LRBA: variants seen among roughly 807,000 people sequenced by gnomAD.
The protein encoded by LRBA is LPS responsive beige-like anchor protein, also known as lipopolysaccharide-responsive and beige-like anchor protein.
LRBA carries 176 observed loss-of-function variants against 330.0 expected under a neutral mutation model. That is an observed-to-expected ratio of 0.53 (90% CI 0.47 to 0.60). LRBA has a LOEUF of 0.60. Among genes scored for constraint, LRBA ranks in the 20% least tolerant of loss-of-function variants. The pLI is 0.00. For synonymous variants in LRBA, 1,230 were observed against 1,193.0 expected, an observed-to-expected ratio of 1.03 and a Z score of -0.64; for missense variants, 3,259 against 3,444.8, an observed-to-expected ratio of 0.95 and a Z score of 1.35.
At chr4:150,678,899 C>T (rs530251903) in intron 37 of LRBA, among the ~76,000 whole-genome samples, 17 of 151,968 alleles carry the variant, frequency 1.1e-4, no homozygotes, top group Admixed American at 9.2e-4. Flanking sequence ...CATAGCGTAA[C>T]GGAATCAAAT....
At chr4:150,575,198 C>T (rs1469738592) in intron 40 of LRBA, among the ~76,000 whole-genome samples, 1 of 151,888 alleles carries the variant, frequency 6.6e-6, no homozygotes, top group Admixed American at 6.6e-5. Context: ...GTTTCCATTC[C>T]TTAGATCATT....
At chr4:150,334,593 T>C (rs1289614868) in intron 48 of LRBA, among the ~76,000 whole-genome samples, 1 of 152,100 alleles carries the variant, frequency 6.6e-6, no homozygotes, top group Non-Finnish European at 1.5e-5. Flanking sequence ...CTGGGGGGTA[T>C]ATTCCAAACT....
At chr4:150,891,639 C>T (rs995418063) in intron 17 of LRBA, among the ~76,000 whole-genome samples, 1 of 152,132 alleles carries the variant, frequency 6.6e-6, no homozygotes, top group Non-Finnish European at 1.5e-5. Flanking sequence ...GCCTGCCTAT[C>T]CTATGGATTT....
intron 34 of LRBA, among the ~76,000 whole-genome samples, chr4:150,769,571 G>A (rs1437913066): frequency 6.6e-6 from 1 of 152,144 alleles, no homozygotes; most frequent in Non-Finnish European, 1.5e-5. Context: ...TCTCTACTGG[G>A]GGAAGAGTCA....
chr4:150,374,794 A>G (rs1249526362), intron 47 of LRBA, among the ~76,000 whole-genome samples: 1 of 152,230 alleles, frequency 6.6e-6, no homozygotes, highest in Non-Finnish European at 1.5e-5. Context: ...GGTACATATA[A>G]CATATCAAAA....
chr4:150,643,681 A>G (rs1421063689), intron 37 of LRBA, among the ~76,000 whole-genome samples: 2 of 152,008 alleles, frequency 1.3e-5, no homozygotes, highest in East Asian at 3.8e-4. Context: ...TCAAAAAGAT[A>G]GTTTAGCTGT....
intron 37 of LRBA, among the ~76,000 whole-genome samples, chr4:150,669,168 G>A (rs530444969): frequency 6.6e-6 from 1 of 152,154 alleles, no homozygotes; most frequent in South Asian, 2.1e-4. Flanking sequence ...GAGACTAATA[G>A]TTTCATGCAT....
chr4:150,675,810 T>G (rs1782484877), intron 37 of LRBA, among the ~76,000 whole-genome samples: 1 of 152,114 alleles, frequency 6.6e-6, no homozygotes, highest in South Asian at 2.1e-4. Flanking sequence ...GTATCACCTA[T>G]TATTCACATC....
At chr4:150,877,583 T>C (rs1218119736) in intron 17 of LRBA, among the ~76,000 whole-genome samples, 1 of 152,162 alleles carries the variant, frequency 6.6e-6, no homozygotes, top group African/African-American at 2.4e-5. Context: ...ATATTAGTGG[T>C]GGATTTCAAC....
intron 40 of LRBA, among the ~76,000 whole-genome samples, chr4:150,557,296 T>C (rs369096680): frequency 1.3e-5 from 2 of 152,086 alleles, no homozygotes; most frequent in Non-Finnish European, 2.9e-5. Flanking sequence ...TCCATAGCAA[T>C]AATAGATGGA....
rs751501435 is a variant in LRBA, at chr4:151,014,679, T to C, written c.-37A>G. On this transcript the variant is annotated 5_prime_UTR_variant, in exon 2 of 57. Coordinates refer to ENST00000651943, the MANE Select transcript of LRBA (RefSeq NM_001364905.1). ...GATAAAGGACAACTCAGAGTCACCCTGGGACGGCAGTCGCTGCACTGGTAA... is the reference window on the plus strand; with the variant it reads ...GATAAAGGACAACTCAGAGTCACCCCGGGACGGCAGTCGCTGCACTGGTAA... 6 of 1,449,680 alleles carry C rather than the reference T, an allele frequency of 4.1e-6. No individual in the cohort carries two copies. The highest frequency in any genetic ancestry group is 3.7e-5 in the South Asian group (3 of 81,374). The allele number at this position is 1,449,680 out of a possible 1,614,324, so 89.8% of individuals were successfully genotyped here.
At chr4:150,417,767 T>C (rs1031618205) in intron 46 of LRBA, among the ~76,000 whole-genome samples, 2 of 152,152 alleles carry the variant, frequency 1.3e-5, no homozygotes, top group African/African-American at 4.8e-5. Context: ...CCTAAATGCA[T>C]AGTAAAAATA....
At chr4:150,541,819 T>C (rs1765343402) in intron 40 of LRBA, among the ~76,000 whole-genome samples, 1 of 152,078 alleles carries the variant, frequency 6.6e-6, no homozygotes, top group East Asian at 1.9e-4. Context: ...CAGGCAGCAA[T>C]AGGTGCACAC....
chr4:150,534,080 T>C (rs1764351878), intron 40 of LRBA, among the ~76,000 whole-genome samples: 1 of 152,112 alleles, frequency 6.6e-6, no homozygotes. Flanking sequence ...CAACAAAGGA[T>C]GAATGATTAA....
chr4:150,321,349 T>C lies in LRBA; in HGVS notation c.7472A>G (p.Asp2491Gly). The change falls in exon 50 of 57, where the codon GAC (aspartate) becomes GGC (glycine). Residue 2491 changes from aspartate (D) to glycine (G), a missense_variant. Transcript: ENST00000651943. The surrounding 1 kb of genome is among the most constrained non-coding windows in gnomAD (Gnocchi z 4.5). ...CATGATAACATCCTGCTGGGCTTTG[T>C]CTGTGAACATCAATGGACTCTGCAG... is the stretch of plus-strand genomic sequence containing the variant. ...AMQVSPLMFT[D>G]KAQQDVIMVL... 1 of 1,601,592 alleles carries C rather than the reference T, an allele frequency of 6.2e-7. No homozygotes were observed. The highest frequency in any genetic ancestry group is 8.5e-7 in the Non-Finnish European group (1 of 1,176,038).
chr4:150,570,753 G>A (rs541423072), intron 40 of LRBA, among the ~76,000 whole-genome samples: 1 of 152,204 alleles, frequency 6.6e-6, no homozygotes, highest in African/African-American at 2.4e-5. Flanking sequence ...ATTCCTGTAA[G>A]TGACAAAACA....
At chr4:150,486,207 G>T (rs1757852633) in intron 42 of LRBA, among the ~76,000 whole-genome samples, 1 of 151,516 alleles carries the variant, frequency 6.6e-6, no homozygotes, top group Non-Finnish European at 1.5e-5. Context: ...TTAAATATGT[G>T]TAATTTATAT....
intron 36 of LRBA, among the ~76,000 whole-genome samples, chr4:150,728,095 A>C (rs1459358820): frequency 6.6e-6 from 1 of 152,186 alleles, no homozygotes; most frequent in Non-Finnish European, 1.5e-5. Context: ...ATGTCAATAA[A>C]TTTGGAAAAT....
At chr4:150,430,218 C>G (rs1397440594) in intron 46 of LRBA, among the ~76,000 whole-genome samples, 1 of 152,176 alleles carries the variant, frequency 6.6e-6, no homozygotes, top group Non-Finnish European at 1.5e-5. Flanking sequence ...TAAGCCTTCA[C>G]TGCTCCTTGC....
Sources: gnomAD v4.1 joint callset for allele counts (sites outside exome capture counted in the v4.1 genomes callset) on GRCh38, gnomAD v4.1.1 for gene constraint, Gnocchi (gnomAD v3.1) non-coding constraint, MANE v1.5 for transcripts, NCBI Gene and HGNC (gene_info 2026-07-23, HGNC 2026-07-21) for gene names.